The following RUNX1 variants were observed in gnomAD, a reference collection of about 807,000 sequenced individuals.
The protein encoded by RUNX1 is runt-related transcription factor 1.
Under a neutral mutation model 42.8 loss-of-function variants are expected in RUNX1, and 19 were observed. That is an observed-to-expected ratio of 0.44 (90% confidence interval 0.31 to 0.65). The LOEUF (loss-of-function observed/expected upper bound fraction) is 0.65, where lower values mean the gene tolerates loss of function less well. RUNX1 is among the 30% of genes least tolerant of loss of function. The pLI, the probability that RUNX1 is intolerant of heterozygous loss-of-function variation, is 0.07. For missense variants in RUNX1, 528 were observed against 672.0 expected, an observed-to-expected ratio of 0.79 and a Z score of 2.37; for synonymous variants, 271 against 289.4, an observed-to-expected ratio of 0.94 and a Z score of 0.64.
chr21:34,970,517 T>TCA (rs2058756260), intron 2 of RUNX1, among the ~76,000 whole-genome samples: 1 of 152,210 alleles, frequency 6.6e-6, no homozygotes. Context: ...GCCTTTGCCC[T>TCA]CAAAAGTCAC....
intron 2 of RUNX1, among the ~76,000 whole-genome samples, chr21:35,031,348 C>CA (rs1484721179): frequency 6.6e-6 from 1 of 151,740 alleles, no homozygotes; most frequent in Admixed American, 6.6e-5. Context: ...AACTCCGTCT[C>CA]AAAAAAATAG....
chr21:35,040,779 A>G (rs1397545411), intron 2 of RUNX1, among the ~76,000 whole-genome samples: 1 of 150,882 alleles, frequency 6.6e-6, no homozygotes, highest in Non-Finnish European at 1.5e-5. Context: ...TCCAAAAAAA[A>G]AAAAAAAAAA....
At chr21:34,842,263 C>A (rs1003671211) in intron 6 of RUNX1, among the ~76,000 whole-genome samples, 3 of 152,118 alleles carry the variant, frequency 2.0e-5, no homozygotes, top group African/African-American at 7.2e-5. Context: ...GAGGCCGACA[C>A]AGGCGGGTCA....
intron 2 of RUNX1, among the ~76,000 whole-genome samples, chr21:34,989,136 G>A (rs1179269771): frequency 6.6e-6 from 1 of 151,972 alleles, no homozygotes; most frequent in Non-Finnish European, 1.5e-5. Context: ...AATCTCCTGA[G>A]TAGCTGAGAT....
At chr21:34,803,398 T>C (rs1326171437) in intron 7 of RUNX1, among the ~76,000 whole-genome samples, 1 of 151,568 alleles carries the variant, frequency 6.6e-6, no homozygotes, top group Non-Finnish European at 1.5e-5. Flanking sequence ...ATACAAAAAA[T>C]TAGCCGGGCA....
At chr21:34,796,196 G>GA (rs2056525467) in intron 8 of RUNX1, among the ~76,000 whole-genome samples, 1 of 152,162 alleles carries the variant, frequency 6.6e-6, no homozygotes, top group African/African-American at 2.4e-5. Context: ...ACATCCAAAA[G>GA]AAAGAGCTGC....
chr21:34,992,990 G>C (rs1425314126), intron 2 of RUNX1, among the ~76,000 whole-genome samples: 1 of 152,252 alleles, frequency 6.6e-6, no homozygotes, highest in Admixed American at 6.5e-5. Flanking sequence ...TCTAGGCAGA[G>C]CTGCCAGCAG....
chr21:34,972,522 T>G (rs2146753264), intron 2 of RUNX1, among the ~76,000 whole-genome samples: 1 of 152,278 alleles, frequency 6.6e-6, no homozygotes. Context: ...TAAATGCAAT[T>G]TTTGCTTTGT....
At position 34,789,850 on chromosome 21, in the gene RUNX1, T is replaced by G. The variant is rs75749444; in HGVS notation, c.*2285A>C. On this transcript the variant is annotated 3_prime_UTR_variant, in exon 9 of 9. Coordinates refer to ENST00000675419, the MANE Select transcript of RUNX1 (RefSeq NM_001754.5). The stretch of plus-strand genomic sequence containing the variant: ...TGGTTTTGAGTTGGAATATCTTCAG[T>G]TAACAGAATTAAACTGAAAAACATA... The G allele has an allele frequency of 0.027, 6,220 of 233,198 alleles. 274 individuals carry two copies. The highest frequency in any genetic ancestry group is 0.11 in the African/African-American group (4,861 of 45,404). The allele number at this position is 233,198 out of a possible 1,614,324, so 14.4% of individuals were successfully genotyped here.
At chr21:35,029,309 A>G (rs2059257486) in intron 2 of RUNX1, among the ~76,000 whole-genome samples, 2 of 152,232 alleles carry the variant, frequency 1.3e-5, no homozygotes, top group Admixed American at 6.5e-5. Flanking sequence ...AAAGCAGCCA[A>G]TACACCTCAG....
Position 34,792,041 on chromosome 21 carries a change from C to G in RUNX1, c.*94G>C. ...CAGGACGGTGGCCGGGCCCAGGGCCCGGGATCCCGGCGGGCTTGTCGCGAA... is the reference window on the plus strand; with the variant it reads ...CAGGACGGTGGCCGGGCCCAGGGCCGGGGATCCCGGCGGGCTTGTCGCGAA... On this transcript the variant is annotated 3_prime_UTR_variant, in exon 9 of 9. Transcript: ENST00000675419. The surrounding 1 kb of genome is among the most constrained non-coding windows in gnomAD (Gnocchi z 6.9). The G allele has an allele frequency of 1.2e-6, 1 of 824,174 alleles. No individual in the cohort carries two copies. The highest frequency in any genetic ancestry group is 1.7e-6 in the Non-Finnish European group (1 of 583,842). 51.1% of individuals were successfully genotyped at this position (824,174 alleles called of 1,614,324 possible). A position where few individuals can be genotyped will look rare whatever the true frequency, so the allele number is the denominator to read the frequency against.
chr21:34,866,216 C>A (rs1326034629), intron 5 of RUNX1, among the ~76,000 whole-genome samples: 1 of 152,206 alleles, frequency 6.6e-6, no homozygotes, highest in Non-Finnish European at 1.5e-5. Context: ...TTAGGAAACA[C>A]AATCGCAACA....
At chr21:35,036,760 T>C (rs2059311600) in intron 2 of RUNX1, among the ~76,000 whole-genome samples, 1 of 152,222 alleles carries the variant, frequency 6.6e-6, no homozygotes, top group South Asian at 2.1e-4. Context: ...AGGTCCTGTT[T>C]ACATGAGTGA....
At chr21:34,878,938 C>G (rs1007719686) in intron 5 of RUNX1, among the ~76,000 whole-genome samples, 1 of 152,194 alleles carries the variant, frequency 6.6e-6, no homozygotes, top group African/African-American at 2.4e-5. Context: ...CTTGAAGACC[C>G]ACACAGATGC....
chr21:35,034,001 A>G (rs747216929), intron 2 of RUNX1, among the ~76,000 whole-genome samples: 1 of 152,190 alleles, frequency 6.6e-6, no homozygotes, highest in Non-Finnish European at 1.5e-5. Flanking sequence ...AAGATAACTT[A>G]TTTTAAGTTT....
intron 2 of RUNX1, among the ~76,000 whole-genome samples, chr21:35,002,418 ATTTATTTATTAT>A (rs1569146203): frequency 7.4e-6 from 1 of 134,724 alleles, no homozygotes; most frequent in Admixed American, 7.4e-5. Flanking sequence ...TTATTTATTT[ATTTATTTATTAT>A]TTATTTATTT....
At chr21:34,987,334 G>A (rs1248813782) in intron 2 of RUNX1, among the ~76,000 whole-genome samples, 1 of 152,200 alleles carries the variant, frequency 6.6e-6, no homozygotes, top group Non-Finnish European at 1.5e-5. Flanking sequence ...ACATTTGAGG[G>A]GAGCGGGCTG....
chr21:35,038,439 G>C (rs2059326392), intron 2 of RUNX1: 1 of 442,178 alleles, frequency 2.3e-6, no homozygotes, highest in Non-Finnish European at 4.5e-6. Context: ...TCTGTAGAGA[G>C]AAGCTACGTC....
At chr21:34,845,374 C>A (rs921329065) in intron 6 of RUNX1, among the ~76,000 whole-genome samples, 1 of 152,196 alleles carries the variant, frequency 6.6e-6, no homozygotes, top group Non-Finnish European at 1.5e-5. Context: ...GCCTTCTGTC[C>A]GGCAACATTC....
Sources: allele counts gnomAD v4.1 joint callset (sites outside exome capture counted in the v4.1 genomes callset), GRCh38; gene constraint gnomAD v4.1.1; non-coding constraint Gnocchi (gnomAD v3.1); transcripts MANE v1.5; gene names NCBI Gene and HGNC (gene_info 2026-07-23, HGNC 2026-07-21).